The following CELA3A variants were observed in gnomAD, a reference collection of about 807,000 sequenced individuals.
CELA3A encodes chymotrypsin-like elastase family member 3A.
Under a neutral mutation model 38.6 loss-of-function variants are expected in CELA3A, and 35 were observed. The observed-to-expected ratio is 0.91, with a 90% confidence interval of 0.69 to 1.20. The LOEUF (loss-of-function observed/expected upper bound fraction) is 1.20. CELA3A is among the 50% of genes most tolerant of loss of function. CELA3A has a pLI of 0.00. For synonymous variants in CELA3A, 143 were observed against 136.7 expected, an observed-to-expected ratio of 1.05 and a Z score of -0.32; for missense variants, 343 against 354.2, an observed-to-expected ratio of 0.97 and a Z score of 0.25.
At chr1:22,009,137 G>A (rs190956558) in intron 6 of CELA3A, among the ~76,000 whole-genome samples, 1,606 of 151,250 alleles carry the variant, frequency 0.011, 51 homozygotes, top group Admixed American at 0.017. Flanking sequence ...AGGCTGAGGC[G>A]GGCGGATCAC....
intron 7 of CELA3A, chr1:22,010,778 A>C (rs10917111): frequency 0.3 from 43,374 of 143,664 alleles, 7,276 homozygotes; most frequent in East Asian, 0.51. Flanking sequence ...GTTTGGCATC[A>C]ATGTGGTGAC....
intron 5 of CELA3A, 28 bp from the exon 6 acceptor site, chr1:22,007,345 C>T (rs374041799): frequency 1.3e-6 from 2 of 1,595,560 alleles, no homozygotes; most frequent in Admixed American, 1.7e-5. Flanking sequence ...CCCCCAGACC[C>T]CTGACTCGGT....
intron 6 of CELA3A, 39 bp from the exon 7 acceptor site, chr1:22,009,666 G>A: frequency 6.2e-7 from 1 of 1,600,724 alleles, no homozygotes; most frequent in Non-Finnish European, 8.5e-7. Flanking sequence ...GTAAACCTCA[G>A]ACATGGCTCA....
intron 5 of CELA3A, 33 bp from the exon 6 acceptor site, chr1:22,007,340 A>C: frequency 6.3e-7 from 1 of 1,588,790 alleles, no homozygotes; most frequent in Non-Finnish European, 8.6e-7. Flanking sequence ...GTGTGCCCCC[A>C]GACCCCTGAC....
Position 22,005,768 on chromosome 1 carries a change from C to G in CELA3A, c.334C>G (p.Leu112Val), listed in dbSNP as rs1268072789. ...INSEELFVHP[L>V]WNRSCVACGN... ...CTCTGAGGAGCTGTTTGTGCATCCA[C>G]TCTGGAACCGCTCGTGTGTGGCCTG... is the stretch of plus-strand genomic sequence containing the variant. The change falls in exon 4 of 8, where the codon CTC (leucine) becomes GTC (valine). Residue 112 changes from leucine to valine, a missense_variant. By Grantham distance (32) the Leu-to-Val change is conservative. Coordinates refer to ENST00000290122, the MANE Select transcript of CELA3A (RefSeq NM_005747.5). 1 of 1,611,902 alleles carries G rather than the reference C, an allele frequency of 6.2e-7. No homozygotes were observed. Among genetic ancestry groups the G allele is most frequent in the Non-Finnish European group, 8.5e-7 (1 of 1,179,502 alleles).
rs777279397 is a variant in CELA3A, at chr1:22,011,870, C to G, written c.796-580C>G. Among the ~76,000 whole-genome samples the G allele has an allele frequency of 2.4e-5, 3 of 124,994 alleles. 1 individual carries two copies. The highest frequency in any genetic ancestry group is 9.9e-5 in the African/African-American group (3 of 30,228). 82.0% of individuals were successfully genotyped at this position (124,994 alleles called of 152,430 possible). ...GAGATTGAGACCATCCTGGCTAACA[C>G]GGTGAAATCCCATCTGTACTAAAAA... On this transcript the variant is annotated intron_variant, in intron 7 of 7. Coordinates refer to ENST00000290122, the MANE Select transcript of CELA3A (RefSeq NM_005747.5).
chr1:22,004,877 A>C (rs1569866935), intron 2 of CELA3A, among the ~76,000 whole-genome samples: 1 of 151,244 alleles, frequency 6.6e-6, no homozygotes, highest in African/African-American at 2.5e-5. Context: ...AGGTGGGCAG[A>C]TCACCTGAGG....
intron 2 of CELA3A, 106 bp downstream of exon 2, chr1:22,003,194 C>G (rs4381156): frequency 3.4e-5 from 39 of 1,145,852 alleles, no homozygotes; most frequent in Non-Finnish European, 4.8e-5. Flanking sequence ...GCAATGTCCA[C>G]TTCAGCTTCC....
chr1:22,003,742 G>A (rs1349805228), intron 2 of CELA3A, among the ~76,000 whole-genome samples: 1 of 151,084 alleles, frequency 6.6e-6, no homozygotes, highest in South Asian at 2.1e-4. Context: ...TTTCACTCTT[G>A]TTGCCCAGGC....
At chr1:22,009,085 G>T (rs1240583995) in intron 6 of CELA3A, among the ~76,000 whole-genome samples, 2 of 113,706 alleles carry the variant, frequency 1.8e-5, no homozygotes, top group South Asian at 5.7e-4. Flanking sequence ...ATTAAATATG[G>T]CTGGGTGCAG....
At chr1:22,005,380 C>T in intron 2 of CELA3A, 67 bp from the exon 3 acceptor site, 9 of 1,577,482 alleles carry the variant, frequency 5.7e-6, no homozygotes, top group Non-Finnish European at 7.8e-6. Flanking sequence ...ACAACCTATA[C>T]AGCCATTGGT....
At position 22,009,814 on chromosome 1, in the gene CELA3A, C is replaced by T. The variant is rs775191825; in HGVS notation, c.752C>T (p.Thr251Met). 5.9e-5 allele frequency: 95 copies of T among 1,612,304 alleles called. No homozygotes were observed. Among genetic ancestry groups the T allele is most frequent in the Non-Finnish European group, 7.9e-5 (93 of 1,179,502 alleles). ...AFGCNFIWKP[T>M]VFTRVSAFID... ...GGCTGCAACTTCATCTGGAAGCCCA[C>T]GGTGTTCACTCGAGTCTCCGCCTTC... Residue 251 changes from threonine to methionine, a missense_variant, in exon 7 of 8, where the codon ACG (threonine) becomes ATG (methionine). Physicochemically the swap from Thr to Met is moderately conservative, Grantham distance 81. Transcript: ENST00000290122.
At chr1:22,009,352 A>G (rs1244307775) in intron 6 of CELA3A, among the ~76,000 whole-genome samples, 2 of 151,036 alleles carry the variant, frequency 1.3e-5, no homozygotes, top group Non-Finnish European at 2.9e-5. Flanking sequence ...CGTCAGAGTG[A>G]GACTTCGTCT....
At chr1:22,008,121 C>T (rs1644962019) in intron 6 of CELA3A, among the ~76,000 whole-genome samples, 1 of 57,880 alleles carries the variant, frequency 1.7e-5, no homozygotes, top group South Asian at 6.8e-4. Context: ...GCCACTGCAC[C>T]CAAGCCTGGC....
At chr1:22,007,297 C>T (rs1347140818) in intron 5 of CELA3A, 76 bp from the exon 6 acceptor site, 1 of 1,529,084 alleles carries the variant, frequency 6.5e-7, no homozygotes, top group Non-Finnish European at 8.8e-7. Context: ...AACTGTGGGC[C>T]TTGAATGCCC....
chr1:22,008,821 T>G (rs1223625195), intron 6 of CELA3A, among the ~76,000 whole-genome samples: 1 of 151,988 alleles, frequency 6.6e-6, no homozygotes, highest in African/African-American at 2.4e-5. Context: ...AATTAATAAT[T>G]AACTATGGTG....
Position 22,007,012 on chromosome 1 carries a change from A to C in CELA3A, c.497A>C (p.Tyr166Ser). The C allele has an allele frequency of 6.2e-7, 1 of 1,612,266 alleles. No homozygotes were observed. ...PCYITGWGRLYTNGPLPDKLQ... is the reference protein window; with the variant it reads ...PCYITGWGRLSTNGPLPDKLQ... ...TACATCACCGGCTGGGGCCGTCTCT[A>C]TAGTACGTGCTGACTTCTCTAGCTG... Residue 166 changes from tyrosine (Y) to serine (S), a missense_variant and splice_region_variant, in exon 5 of 8, where the codon TAT becomes TCT. Coordinates refer to ENST00000290122, the MANE Select transcript of CELA3A (RefSeq NM_005747.5).
In CELA3A at chr1:22,012,192, T is replaced by C. The variant is rs1644986952; in HGVS notation, c.796-258T>C. On this transcript the variant is annotated intron_variant, in intron 7 of 7. Coordinates refer to ENST00000290122, the MANE Select transcript of CELA3A (RefSeq NM_005747.5). ...ACACACATATACACACACATGCATA[T>C]ACATATATATATACATACACATCCC... Among the ~76,000 whole-genome samples, 2 of 128,088 alleles carry C rather than the reference T, an allele frequency of 1.6e-5. 1 individual carries two copies. Among genetic ancestry groups the C allele is most frequent in the African/African-American group, 6.4e-5 (2 of 31,348 alleles). The allele number at this position is 128,088 out of a possible 152,430, so 84.0% of individuals were successfully genotyped here.
At chr1:22,007,747 T>C (rs1464058786) in intron 6 of CELA3A, among the ~76,000 whole-genome samples, 1 of 151,236 alleles carries the variant, frequency 6.6e-6, no homozygotes, top group Non-Finnish European at 1.5e-5. Context: ...GACAAGTCAC[T>C]GTGTCTCCCT....
Sources: gnomAD v4.1 joint callset for allele counts (sites outside exome capture counted in the v4.1 genomes callset) on GRCh38, gnomAD v4.1.1 for gene constraint, MANE v1.5 for transcripts, NCBI Gene and HGNC (gene_info 2026-07-23, HGNC 2026-07-21) for gene names.